The following CAPN6 variants were observed in gnomAD, a reference collection of about 807,000 sequenced individuals.
The protein encoded by CAPN6 is calpain-6.
Under a neutral mutation model 46.0 loss-of-function variants are expected in CAPN6, and 16 were observed. The observed-to-expected ratio is 0.35, with a 90% CI of 0.24 to 0.53. The LOEUF is 0.53. CAPN6 is among the 20% of genes least tolerant of loss of function. The pLI is 0.94. For synonymous variants in CAPN6, 206 were observed against 172.8 expected (o/e 1.19, Z -1.51); for missense variants, 461 against 498.0 (o/e 0.93, Z 0.71).
At chrX:111,250,173 A>G (rs1455050730) in intron 8 of CAPN6, among the ~76,000 whole-genome samples, 2 of 111,497 alleles carry the variant, frequency 1.8e-5, no homozygotes, top group Non-Finnish European at 3.8e-5. Context: ...ATGCCTGACC[A>G]ATGAGATCCA....
chrX:111,253,558 A>G (rs2147533020), intron 3 of CAPN6, among the ~76,000 whole-genome samples: 1 of 112,799 alleles, frequency 8.9e-6, no homozygotes, highest in African/African-American at 3.2e-5. Context: ...TTGCATGTTT[A>G]AAATGCAAGG....
At chrX:111,256,825 T>C (rs1233059416) in intron 2 of CAPN6, among the ~76,000 whole-genome samples, 1 of 96,128 alleles carries the variant, frequency 1.0e-5, no homozygotes, top group African/African-American at 5.3e-5. Flanking sequence ...GTGAAATTCA[T>C]GAGAGAATGT....
At position 111,245,917 on chromosome X, in the gene CAPN6, C is replaced by T. The variant is rs1202779808; in HGVS notation, c.*660G>A. On this transcript the variant is annotated 3_prime_UTR_variant, in exon 13 of 13. Transcript: ENST00000324068. ...CTCACTGTCTAGGACTCATTGAACT[C>T]CAGCTCTTGATTAAGCACCAGGAAG... 8.8e-6 allele frequency: 1 copy of T among 113,058 alleles called. No individual in the cohort carries two copies. The highest frequency in any genetic ancestry group is 1.9e-5 in the Non-Finnish European group (1 of 53,501). The allele number at this position is 113,058 out of a possible 1,213,427, so 9.3% of individuals were successfully genotyped here. A position where few individuals can be genotyped will look rare whatever the true frequency, so the allele number is the denominator to read the frequency against.
intron 1 of CAPN6, among the ~76,000 whole-genome samples, chrX:111,268,980 A>G (rs1030027872): frequency 8.9e-6 from 1 of 112,127 alleles, no homozygotes; most frequent in Admixed American, 9.4e-5. Flanking sequence ...TTAAAAATTC[A>G]TATTGTACTC....
In CAPN6 at chrX:111,254,463, G is replaced by C. The variant is rs958779072; in HGVS notation, c.166-60C>G. ...GGAAGAGTTTCTCAAGAGTCACTGT[G>C]AGCTGAACTAGGCAGGACAGCCTTC... On this transcript the variant is annotated intron_variant, in intron 2 of 12. Coordinates refer to ENST00000324068, the MANE Select transcript of CAPN6 (RefSeq NM_014289.4). 9 of 941,324 alleles carry C rather than the reference G, an allele frequency of 9.6e-6. No homozygotes were observed. The African/African-American group carries it at 1.5e-4, about 16-fold the overall frequency. The allele number at this position is 941,324 out of a possible 1,213,427, so 77.6% of individuals were successfully genotyped here. A position where few individuals can be genotyped will look rare whatever the true frequency, so the allele number is the denominator to read the frequency against.
intron 7 of CAPN6, 43 bp from the exon 8 acceptor site, chrX:111,251,146 A>G: frequency 1.7e-6 from 2 of 1,205,325 alleles, no homozygotes; most frequent in Non-Finnish European, 1.1e-6. Flanking sequence ...ATGGTATTTA[A>G]TACTTAACAC....
Position 111,251,189 on chromosome X carries a change from G to A in CAPN6, c.971+20C>T, listed in dbSNP as rs17885539. Reference sequence around the variant, plus strand: ...CCATGTAGAAGCCCCAATTCCCTTAGTGCAGAAACCCCTCCTCACCAAAAC... The same window carrying A: ...CCATGTAGAAGCCCCAATTCCCTTAATGCAGAAACCCCTCCTCACCAAAAC... On this transcript the variant is annotated intron_variant, in intron 7 of 12. Coordinates refer to ENST00000324068, the MANE Select transcript of CAPN6 (RefSeq NM_014289.4). 0.019 allele frequency: 22,850 copies of A among 1,204,537 alleles called. 163 individuals are homozygous for A. The highest frequency in any genetic ancestry group is 0.028 in the East Asian group (935 of 33,687).
chrX:111,253,181 A>C lies in CAPN6; in HGVS notation c.333T>G (p.Pro111=). 1 of 1,210,354 alleles carries C rather than the reference A, an allele frequency of 8.3e-7. No homozygotes were observed. The highest frequency in any genetic ancestry group is 1.1e-6 in the Non-Finnish European group (1 of 894,048). Residue 111 remains proline (P), a synonymous_variant, in exon 4 of 13, where the codon CCT becomes CCG. Coordinates refer to ENST00000324068, the MANE Select transcript of CAPN6 (RefSeq NM_014289.4). ...TCCCAGCGTATTTTTCTGTTTTTTGAGGGTCCCATTCCTGTTCCTTATGGT... is the reference window on the plus strand; with the variant it reads ...TCCCAGCGTATTTTTCTGTTTTTTGCGGGTCCCATTCCTGTTCCTTATGGT... ...IPNHKEQEWD[P]QKTEKYAGIF...
intron 1 of CAPN6, among the ~76,000 whole-genome samples, chrX:111,269,003 T>C (rs1267675956): frequency 1.8e-5 from 2 of 112,257 alleles, no homozygotes; most frequent in Non-Finnish European, 3.8e-5. Context: ...CTCACAAGAA[T>C]GCACTTAGAA....
chrX:111,264,872 T>G (rs1421227093), intron 1 of CAPN6, among the ~76,000 whole-genome samples: 1 of 111,697 alleles, frequency 9.0e-6, no homozygotes, highest in Non-Finnish European at 1.9e-5. Context: ...TCAATAGCTT[T>G]GGGGTGATAA....
In CAPN6 at chrX:111,250,985, CAT is replaced by C; in HGVS notation, c.1088_1089del (p.Asp363GlyfsTer2). On this transcript the variant is annotated frameshift_variant, in exon 8 of 13. Transcript: ENST00000324068. LOFTEE classifies it high-confidence loss of function. ...CCTGAGCGGTTCATCAGGGGATCATCATCCACAGTCCAGCATCCCAACACCGA... is the reference window on the plus strand; with the variant it reads ...CCTGAGCGGTTCATCAGGGGATCATCCCACAGTCCAGCATCCCAACACCGA... ...LESVLGCWTV[D>X]DDPLMNRSGG... 2 of 1,211,311 alleles carry C rather than the reference CAT, an allele frequency of 1.7e-6. No individual in the cohort carries two copies. Among genetic ancestry groups the C allele is most frequent in the Non-Finnish European group, 2.2e-6 (2 of 895,236 alleles).
chrX:111,249,175 C>T (rs2094977073), intron 8 of CAPN6, 118 bp from the exon 9 acceptor site: 2 of 785,289 alleles, frequency 2.5e-6, no homozygotes, highest in African/African-American at 2.1e-5. Flanking sequence ...ATTTTCTGGG[C>T]TTTCATATTT....
intron 9 of CAPN6, 33 bp from the exon 10 acceptor site, chrX:111,248,804 C>T (rs756082976): frequency 2.3e-5 from 28 of 1,192,926 alleles, no homozygotes; most frequent in Non-Finnish European, 2.0e-5. Context: ...TATTCAATTC[C>T]ACTCAAATCA....
chrX:111,259,975 C>T lies in CAPN6; in HGVS notation c.165+3797G>A, dbSNP rs1198604760. ...CACTGTAACTCAGTATAAGTTAGAC[C>T]TTATAATTTATGAAGACTATATATG... On this transcript the variant is annotated intron_variant, in intron 2 of 12. Coordinates refer to ENST00000324068, the MANE Select transcript of CAPN6 (RefSeq NM_014289.4). Among the ~76,000 whole-genome samples, 3 of 111,444 alleles carry T rather than the reference C, an allele frequency of 2.7e-5. No homozygotes were observed. In the East Asian group the frequency reaches 8.4e-4, roughly 31 times the overall value.
At chrX:111,253,305 G>A (rs1338128413) in intron 3 of CAPN6, 89 bp from the exon 4 acceptor site, 2 of 723,319 alleles carry the variant, frequency 2.8e-6, no homozygotes, top group East Asian at 6.4e-5. Flanking sequence ...AAATCTACAG[G>A]GCAACAGGAA....
chrX:111,270,470 T>C lies in CAPN6; in HGVS notation c.-115A>G, dbSNP rs1180586081. 9 of 326,649 alleles carry C rather than the reference T, an allele frequency of 2.8e-5. No homozygotes were observed. In the East Asian group the frequency reaches 7.9e-4, roughly 29 times the overall value. 26.9% of individuals were successfully genotyped at this position (326,649 alleles called of 1,213,427 possible). On this transcript the variant is annotated 5_prime_UTR_variant, in exon 1 of 13. Transcript: ENST00000324068. ...TAGCCAGGTAACCCCACTAAAAGTCTGTTCAGTCAGTGTGGCTGAACAAAG... is the reference window on the plus strand; with the variant it reads ...TAGCCAGGTAACCCCACTAAAAGTCCGTTCAGTCAGTGTGGCTGAACAAAG...
intron 1 of CAPN6, among the ~76,000 whole-genome samples, chrX:111,269,065 G>C (rs925434304): frequency 8.9e-6 from 1 of 112,145 alleles, no homozygotes; most frequent in Non-Finnish European, 1.9e-5. Flanking sequence ...TTCAAATCAA[G>C]GCTAATCAAA....
intron 9 of CAPN6, 33 bp downstream of exon 9, chrX:111,248,901 CT>C: frequency 8.3e-7 from 1 of 1,210,198 alleles, no homozygotes; most frequent in Non-Finnish European, 1.1e-6. Context: ...CTCTGTTTGC[CT>C]TCATTCTCTC....
chrX:111,248,916 C>G lies in CAPN6; in HGVS notation c.1281+19G>C. Reference sequence around the variant, plus strand: ...CTCTGTTTGCCTTCATTCTCTCTGCCCCAAATGCCCATTTTTACCTTGAAG... The same window carrying G: ...CTCTGTTTGCCTTCATTCTCTCTGCGCCAAATGCCCATTTTTACCTTGAAG... On this transcript the variant is annotated intron_variant, in intron 9 of 12. Coordinates refer to ENST00000324068, the MANE Select transcript of CAPN6 (RefSeq NM_014289.4). 8.3e-7 allele frequency: 1 copy of G among 1,211,000 alleles called. No individual in the cohort carries two copies. The highest frequency in any genetic ancestry group is 1.1e-6 in the Non-Finnish European group (1 of 895,123).
Sources: allele counts gnomAD v4.1 joint callset (sites outside exome capture counted in the v4.1 genomes callset), GRCh38; gene constraint gnomAD v4.1.1; transcripts MANE v1.5; gene names NCBI Gene and HGNC (gene_info 2026-07-23, HGNC 2026-07-21).